PTRH1: variants seen among roughly 807,000 people sequenced by gnomAD.
The protein encoded by PTRH1 is peptidyl-tRNA hydrolase 1 homolog.
A neutral mutation model predicts 15.7 loss-of-function variants in PTRH1; 13 were observed. The ratio of observed to expected loss-of-function variants is 0.83; its 90% confidence interval spans 0.54 to 1.31. The LOEUF (loss-of-function observed/expected upper bound fraction) is 1.31, where lower values mean the gene tolerates loss of function less well. Among genes scored for constraint, PTRH1 ranks in the 40% most tolerant of loss-of-function variants. The probability of loss-of-function intolerance (pLI) is 0.00; values close to 1 mark genes in which losing one functional copy is unlikely to be tolerated. For missense variants in PTRH1, 319 were observed against 296.2 expected (o/e 1.08, Z -0.56); for synonymous variants, 139 against 136.7 (o/e 1.02, Z -0.12).
chr9:127,699,986 GC>G (rs1842592359), intron 1 of PTRH1, among the ~76,000 whole-genome samples: 1 of 151,998 alleles, frequency 6.6e-6, no homozygotes, highest in Non-Finnish European at 1.5e-5. Context: ...TTCGAGACCA[GC>G]CTGGCCAACA....
At chr9:127,713,295 C>T, downstream of PTRH1, 1 of 1,001,058 alleles carries the variant, frequency 1.0e-6, no homozygotes, top group South Asian at 1.7e-5. Context: ...CTGTGTGGCC[C>T]TGGGGATGTA....
chr9:127,700,660 C>T (rs1842596595), intron 1 of PTRH1, among the ~76,000 whole-genome samples: 1 of 152,174 alleles, frequency 6.6e-6, no homozygotes, highest in South Asian at 2.1e-4. Flanking sequence ...ATAAACAGGA[C>T]CTCGGGCCAT....
chr9:127,711,096 A>G, downstream of PTRH1: 1 of 1,168,658 alleles, frequency 8.6e-7, no homozygotes, highest in Non-Finnish European at 1.2e-6. Context: ...TCCCACCCAT[A>G]GCCCCAACCC....
exon 2 of PTRH1, chr9:127,695,077 A>ATGG: frequency 2.8e-6 from 2 of 702,376 alleles, no homozygotes; most frequent in Non-Finnish European, 5.2e-6. Context: ...GATGATGATG[A>ATGG]TGATGATGAT....
rs867137147 is a variant in PTRH1 at position 127,714,255 on chromosome 9, C to G, written c.490G>C (p.Gly164Arg). 1.2e-6 allele frequency: 2 copies of G among 1,613,806 alleles called. No individual in the cohort carries two copies. The highest frequency in any genetic ancestry group is 1.7e-6 in the Non-Finnish European group (2 of 1,179,982). ...NAMPRLRVGI[G>R]RPAHPEAVQA... Reference sequence around the variant, plus strand: ...ACCGCCTCAGGGTGCGCCGGGCGCCCGATACCCACCCGCAGCCTTGGCATT... The same window carrying G: ...ACCGCCTCAGGGTGCGCCGGGCGCCGGATACCCACCCGCAGCCTTGGCATT... Residue 164 changes from glycine to arginine, a missense_variant, in exon 5 of 5, where the codon GGG becomes CGG. Transcript: ENST00000543175.
exon 2 of PTRH1, chr9:127,695,062 A>ATGC: frequency 1.5e-6 from 1 of 649,354 alleles, no homozygotes; most frequent in Non-Finnish European, 2.9e-6. Flanking sequence ...ATTGATGATG[A>ATGC]TGATGATGAT....
rs1440449456 is a variant in PTRH1 at position 127,705,732 on chromosome 9, G to A, written c.205+9703C>T. ...CGGGGGAGGGGGCAATGTCCAGCAGGAGCAGGGCCATCGCATTGAGCTGGA... is the reference window on the plus strand; with the variant it reads ...CGGGGGAGGGGGCAATGTCCAGCAGAAGCAGGGCCATCGCATTGAGCTGGA... On this transcript the variant is annotated intron_variant, in intron 1 of 2. Coordinates refer to the PTRH1 transcript ENST00000335223. This position sits in a 1 kb window ranked among gnomAD's most constrained non-coding sequence, Gnocchi z 4.7. 1.3e-5 allele frequency among the ~76,000 whole-genome samples: 2 copies of A among 152,228 alleles called. No homozygotes were observed. Among genetic ancestry groups the A allele is most frequent in the Non-Finnish European group, 2.9e-5 (2 of 68,038 alleles).
intron 1 of PTRH1, among the ~76,000 whole-genome samples, chr9:127,703,354 G>A (rs1055937084): frequency 6.6e-6 from 1 of 152,004 alleles, no homozygotes; most frequent in Non-Finnish European, 1.5e-5. Context: ...GCTGAGGCAG[G>A]AGAATCACTT....
downstream of PTRH1, chr9:127,712,613 A>G (rs547940959): frequency 6.2e-7 from 1 of 1,602,018 alleles, no homozygotes; most frequent in Admixed American, 1.7e-5. Flanking sequence ...AGACAGGGAA[A>G]ACTTCGTGGA....
At chr9:127,698,993 C>T (rs1278925771) in intron 1 of PTRH1, among the ~76,000 whole-genome samples, 3 of 150,808 alleles carry the variant, frequency 2.0e-5, no homozygotes, top group Admixed American at 6.6e-5. Context: ...CTCTCCCTCC[C>T]GGGTTCAAGC....
At chr9:127,711,252 G>A (rs778835483), downstream of PTRH1, 52 of 1,613,980 alleles carry the variant, frequency 3.2e-5, no homozygotes, top group Admixed American at 8.3e-5. Flanking sequence ...ATCATCCAGC[G>A]CGTGAACCTC....
Position 127,714,695 on chromosome 9 carries a change from C to T in PTRH1, c.324G>A (p.Leu108=), listed in dbSNP as rs761999379. The change falls in exon 3 of 5, where the codon CTG becomes CTA. Residue 108 remains leucine, a synonymous_variant. Transcript: ENST00000543175. The part of the protein sequence containing the change: ...NGRSVARAAE[L]FGLTAEEVYL... Reference sequence around the variant, plus strand: ...AGACTTCCTCGGCAGTCAGCCCAAACAGCTCCGCTTAGCACAGGGAAACGG... The same window carrying T: ...AGACTTCCTCGGCAGTCAGCCCAAATAGCTCCGCTTAGCACAGGGAAACGG... 1 of 1,611,986 alleles carries T rather than the reference C, an allele frequency of 6.2e-7. No individual in the cohort carries two copies. Among genetic ancestry groups the T allele is most frequent in the South Asian group, 1.1e-5 (1 of 90,648 alleles).
chr9:127,703,782 G>C (rs917697597), intron 1 of PTRH1, among the ~76,000 whole-genome samples: 2 of 152,220 alleles, frequency 1.3e-5, no homozygotes, highest in Non-Finnish European at 2.9e-5. Context: ...CGCCTGGTGT[G>C]AAAAAGCCTC....
At chr9:127,708,153 G>T (rs1388300080) in intron 1 of PTRH1, among the ~76,000 whole-genome samples, 2 of 152,186 alleles carry the variant, frequency 1.3e-5, no homozygotes, top group Non-Finnish European at 2.9e-5. Flanking sequence ...GTCACTATTT[G>T]AAAGATGTTG....
downstream of PTRH1, chr9:127,711,493 G>C: frequency 6.2e-7 from 1 of 1,612,822 alleles, no homozygotes; most frequent in Non-Finnish European, 8.5e-7. Flanking sequence ...GAGGCCACCA[G>C]AAGGTGTGCC....
At chr9:127,698,605 A>T (rs1842579760) in intron 1 of PTRH1, among the ~76,000 whole-genome samples, 1 of 152,116 alleles carries the variant, frequency 6.6e-6, no homozygotes, top group South Asian at 2.1e-4. Flanking sequence ...TGAGCCCAGG[A>T]GGTCAAGGCT....
At chr9:127,703,118 G>A (rs1360896231) in intron 1 of PTRH1, among the ~76,000 whole-genome samples, 1 of 151,814 alleles carries the variant, frequency 6.6e-6, no homozygotes, top group Non-Finnish European at 1.5e-5. Flanking sequence ...CAGCAAATCG[G>A]GACACTCATT....
At chr9:127,707,255 C>A in intron 1 of PTRH1, 1 of 1,571,840 alleles carries the variant, frequency 6.4e-7, no homozygotes, top group East Asian at 2.2e-5. Context: ...CAGGTGGCCC[C>A]CATGCAGGTT....
At chr9:127,710,605 G>T (rs1160159743), downstream of PTRH1, 3 of 1,581,504 alleles carry the variant, frequency 1.9e-6, no homozygotes, top group East Asian at 6.9e-5. Flanking sequence ...GGCCAGGGGG[G>T]AAGCTGGCAG....
Sources: allele counts gnomAD v4.1 joint callset (sites outside exome capture counted in the v4.1 genomes callset), GRCh38; gene constraint gnomAD v4.1.1; non-coding constraint Gnocchi (gnomAD v3.1); transcripts MANE v1.5; gene names NCBI Gene and HGNC (gene_info 2026-07-23, HGNC 2026-07-21).